Variants in LRRIQ3 observed in about 807,000 individuals in gnomAD.
The protein encoded by LRRIQ3 is leucine-rich repeat and IQ domain-containing protein 3.
Under a neutral mutation model 59.3 loss-of-function variants are expected in LRRIQ3, and 75 were observed. The observed-to-expected ratio is 1.26, with a 90% CI of 1.05 to 1.53. The LOEUF is 1.53. LRRIQ3 is among the 40% of genes most tolerant of loss of function. The pLI, the probability that LRRIQ3 is intolerant of heterozygous loss-of-function variation, is 0.00. For missense variants in LRRIQ3, 831 were observed against 710.0 expected (o/e 1.17, Z -1.94); for synonymous variants, 250 against 231.3 (o/e 1.08, Z -0.73).
chr1:74,153,996 C>T (rs1033721950), intron 4 of LRRIQ3, among the ~76,000 whole-genome samples: 3 of 151,944 alleles, frequency 2.0e-5, no homozygotes, highest in Admixed American at 6.6e-5. Context: ...AATCCCAGCA[C>T]TTTGGGGGGC....
chr1:74,133,081 C>A (rs1267450994), intron 4 of LRRIQ3, among the ~76,000 whole-genome samples: 5 of 152,118 alleles, frequency 3.3e-5, no homozygotes, highest in African/African-American at 9.7e-5. Context: ...CAAAAGAAGA[C>A]ATTTATGCAG....
chr1:74,070,979 A>AAT (rs10551311), intron 6 of LRRIQ3, among the ~76,000 whole-genome samples: 6 of 148,648 alleles, frequency 4.0e-5, no homozygotes, highest in African/African-American at 1.5e-4. Context: ...TATATATATC[A>AAT]ATATATATAT....
intron 5 of LRRIQ3, among the ~76,000 whole-genome samples, chr1:74,081,033 A>G (rs35254383): frequency 0.13 from 19,585 of 151,518 alleles, 1,712 homozygotes; most frequent in African/African-American, 0.25. Context: ...AAAGTTACTT[A>G]AAAAAGATAA....
intron 4 of LRRIQ3, among the ~76,000 whole-genome samples, chr1:74,133,620 C>G (rs1293910487): frequency 6.6e-6 from 1 of 151,412 alleles, no homozygotes; most frequent in African/African-American, 2.4e-5. Context: ...GGACGAAAAA[C>G]CAAACACCGC....
intron 3 of LRRIQ3, chr1:74,180,765 A>T: frequency 6.5e-7 from 1 of 1,550,206 alleles, no homozygotes; most frequent in East Asian, 2.4e-5. Flanking sequence ...ACTATGCTTC[A>T]TTTTCTCCTG....
intron 4 of LRRIQ3, among the ~76,000 whole-genome samples, chr1:74,145,979 C>A (rs1384102636): frequency 6.6e-6 from 1 of 152,042 alleles, no homozygotes; most frequent in Non-Finnish European, 1.5e-5. Context: ...AATTATACTA[C>A]CGTACTTTTA....
At position 74,049,783 on chromosome 1, in the gene LRRIQ3, TTCAC is replaced by T. The variant is rs202222226; in HGVS notation, c.998-7854_998-7851del. On this transcript the variant is annotated intron_variant, in intron 6 of 7. Transcript: ENST00000354431. ...TTATATTAAAAAATCATTTAAAACTTTCACTAATGTAATGTCATTTTAAAGTATT... is the reference window on the plus strand; with the variant it reads ...TTATATTAAAAAATCATTTAAAACTTTAATGTAATGTCATTTTAAAGTATT... Among the ~76,000 whole-genome samples the T allele has an allele frequency of 4.3e-3, 658 of 152,290 alleles. 7 individuals carry two copies. The highest frequency in any genetic ancestry group is 3.2e-3 in the Admixed American group (49 of 15,292).
chr1:74,188,095 G>C (rs1650526399), intron 1 of LRRIQ3, among the ~76,000 whole-genome samples: 1 of 152,086 alleles, frequency 6.6e-6, no homozygotes, highest in African/African-American at 2.4e-5. Flanking sequence ...ACCATAAAAA[G>C]AATGAGATCA....
At chr1:74,125,453 G>GT (rs1181724808) in intron 4 of LRRIQ3, among the ~76,000 whole-genome samples, 3 of 151,538 alleles carry the variant, frequency 2.0e-5, no homozygotes, top group Non-Finnish European at 3.0e-5. Context: ...AGAAAAGCCA[G>GT]TTTTTTCCTA....
intron 5 of LRRIQ3, among the ~76,000 whole-genome samples, chr1:74,095,681 C>A (rs1180481731): frequency 3.3e-5 from 5 of 151,958 alleles, no homozygotes; most frequent in African/African-American, 1.2e-4. Context: ...ACTCTAAAAT[C>A]ATAGCCATAT....
At chr1:74,093,209 A>G (rs1435204136) in intron 5 of LRRIQ3, among the ~76,000 whole-genome samples, 1 of 152,092 alleles carries the variant, frequency 6.6e-6, no homozygotes, top group Non-Finnish European at 1.5e-5. Flanking sequence ...TATTAAGACT[A>G]TGAAACTCCA....
chr1:74,126,766 A>AT (rs1164184984), intron 4 of LRRIQ3, among the ~76,000 whole-genome samples: 1 of 151,948 alleles, frequency 6.6e-6, no homozygotes, highest in Admixed American at 6.6e-5. Context: ...TTGTTGTCTA[A>AT]TATATGGTCT....
At chr1:74,136,058 T>C (rs1647117955) in intron 4 of LRRIQ3, among the ~76,000 whole-genome samples, 1 of 151,838 alleles carries the variant, frequency 6.6e-6, no homozygotes, top group Non-Finnish European at 1.5e-5. Flanking sequence ...ACATTACTAA[T>C]GACCTTACAG....
intron 5 of LRRIQ3, among the ~76,000 whole-genome samples, chr1:74,080,459 TA>T (rs1248038188): frequency 3.3e-5 from 5 of 151,790 alleles, no homozygotes; most frequent in Admixed American, 3.3e-4. Context: ...GATTTATCTT[TA>T]AAAATTAAGG....
At position 74,184,266 on chromosome 1, in the gene LRRIQ3, C is replaced by G. The variant is rs533659460; in HGVS notation, c.1-582G>C. On this transcript the variant is annotated intron_variant, in intron 1 of 7. Coordinates refer to ENST00000354431, the MANE Select transcript of LRRIQ3 (RefSeq NM_001105659.2). Reference sequence around the variant, plus strand: ...CAATTAGGAAATTAGGCTCAGAATTCTAATAGCTTTAAATTTTGACTACTT... The same window carrying G: ...CAATTAGGAAATTAGGCTCAGAATTGTAATAGCTTTAAATTTTGACTACTT... Among the ~76,000 whole-genome samples the G allele has an allele frequency of 3.7e-4, 57 of 152,140 alleles. No homozygotes were observed. In the South Asian group the frequency reaches 0.011, roughly 30 times the overall value.
chr1:74,096,854 A>AGAACAGCAAATATTGCT (rs1442763577), intron 5 of LRRIQ3, among the ~76,000 whole-genome samples: 1 of 152,168 alleles, frequency 6.6e-6, no homozygotes, highest in African/African-American at 2.4e-5. Context: ...AGGAGGCTGC[A>AGAACAGCAAATATTGCT]GAACAGCAAA....
chr1:74,064,645 C>T lies in LRRIQ3; in HGVS notation c.997+10016G>A, dbSNP rs187912337. ...CATATATCTGGGAATGGTTTCATTT[C>T]ACCTTCATTCATCTGGAATGTCTTT... On this transcript the variant is annotated intron_variant, in intron 6 of 7. Coordinates refer to ENST00000354431, the MANE Select transcript of LRRIQ3 (RefSeq NM_001105659.2). 4.7e-3 allele frequency among the ~76,000 whole-genome samples: 708 copies of T among 152,098 alleles called. 6 individuals carry two copies. Among genetic ancestry groups the T allele is most frequent in the Non-Finnish European group, 5.6e-3 (379 of 67,908 alleles).
intron 5 of LRRIQ3, among the ~76,000 whole-genome samples, chr1:74,091,465 T>A (rs541652342): frequency 2.6e-4 from 40 of 152,204 alleles, no homozygotes; most frequent in African/African-American, 8.7e-4. Flanking sequence ...CAATAAAGAA[T>A]GAACAATTTT....
chr1:74,073,557 C>G (rs1471026697), intron 6 of LRRIQ3, among the ~76,000 whole-genome samples: 2 of 151,232 alleles, frequency 1.3e-5, no homozygotes, highest in Non-Finnish European at 2.9e-5. Flanking sequence ...AAAAAGACCA[C>G]ACACACAAAG....
Sources: allele counts gnomAD v4.1 joint callset (sites outside exome capture counted in the v4.1 genomes callset), GRCh38; gene constraint gnomAD v4.1.1; transcripts MANE v1.5; gene names NCBI Gene and HGNC (gene_info 2026-07-23, HGNC 2026-07-21).